PPARGC1A: variants seen among roughly 807,000 people sequenced by gnomAD.
PPARGC1A encodes peroxisome proliferator-activated receptor gamma coactivator 1-alpha.
In PPARGC1A, 25 loss-of-function variants were observed where a neutral mutation model predicts 88.7. That is an observed-to-expected ratio of 0.28 (90% CI 0.21 to 0.39). The LOEUF (loss-of-function observed/expected upper bound fraction) is 0.39. Ranked by LOEUF, PPARGC1A falls within the 10% of genes least tolerant of loss-of-function variation. PPARGC1A has a pLI of 1.00. For synonymous variants in PPARGC1A, 363 were observed against 355.6 expected, an observed-to-expected ratio of 1.02 and a Z score of -0.24; for missense variants, 880 against 968.7, an observed-to-expected ratio of 0.91 and a Z score of 1.22.
At chr4:23,911,269 A>C in the PPARGC1A span, among the ~76,000 whole-genome samples, 1 of 152,212 alleles carries the variant, frequency 6.6e-6, no homozygotes, top group Non-Finnish European at 1.5e-5. Context: ...CACTGGGCAC[A>C]TTCAGGAAAA....
At chr4:23,871,873 G>C (rs751646828) in intron 2 of PPARGC1A, among the ~76,000 whole-genome samples, 1 of 152,168 alleles carries the variant, frequency 6.6e-6, no homozygotes, top group Non-Finnish European at 1.5e-5. Context: ...ATTTAAGCTC[G>C]AGTATTATAG....
chr4:24,264,330 C>A, the PPARGC1A span, among the ~76,000 whole-genome samples: 4 of 152,156 alleles, frequency 2.6e-5, no homozygotes, highest in African/African-American at 9.7e-5. Context: ...GTGAAGGGTG[C>A]ACAGAGTCTC....
At chr4:24,115,669 C>A in the PPARGC1A span, among the ~76,000 whole-genome samples, 8 of 152,220 alleles carry the variant, frequency 5.3e-5, no homozygotes, top group East Asian at 1.5e-3. Context: ...CATATGGCTA[C>A]CAGAAATGCA....
intron 1 of PPARGC1A, among the ~76,000 whole-genome samples, chr4:23,895,968 GTGTGTGTGTGTGTATA>G (rs751546959): frequency 0.05 from 2,395 of 47,626 alleles, 44 homozygotes; most frequent in South Asian, 0.19. Context: ...GTGTGTGTGT[GTGTGTGTGTGTGTATA>G]TATATATACA....
At chr4:23,921,077 G>T in the PPARGC1A span, among the ~76,000 whole-genome samples, 1 of 151,518 alleles carries the variant, frequency 6.6e-6, no homozygotes, top group Non-Finnish European at 1.5e-5. Flanking sequence ...CTTTCTCAAA[G>T]GGAAAGGAGT....
Position 23,828,782 on chromosome 4 carries a change from A to C in PPARGC1A, c.553-178T>G, listed in dbSNP as rs2290605. Among the ~76,000 whole-genome samples, 811 of 152,336 alleles carry C rather than the reference A, an allele frequency of 5.3e-3. 25 individuals carry two copies. The East Asian group carries it at 0.061, about 11-fold the overall frequency. On this transcript the variant is annotated intron_variant, in intron 4 of 12. Transcript: ENST00000264867. ...AAAGAAAATTACATTTAAAATTCCT[A>C]AATGACATTTATGCAGCTTTTTATT...
chr4:23,828,425 T>C lies in PPARGC1A; in HGVS notation c.732A>G (p.Thr244=), dbSNP rs1724382948. The part of the protein sequence containing the change: ...DKCTSKKKSH[T]QSQSQHLQAK... ...CTTGTAAGTGTTGTGACTGCGACTG[T>C]GTGTGGGACTTCTTTTTGGAGGTGC... Residue 244 remains threonine, a synonymous_variant, in exon 5 of 13, where the codon ACA becomes ACG. Transcript: ENST00000264867. 2 of 1,613,978 alleles carry C rather than the reference T, an allele frequency of 1.2e-6. No homozygotes were observed. Among genetic ancestry groups the C allele is most frequent in the East Asian group, 4.5e-5 (2 of 44,878 alleles).
At chr4:24,438,688 C>G in the PPARGC1A span, among the ~76,000 whole-genome samples, 2 of 152,048 alleles carry the variant, frequency 1.3e-5, no homozygotes, top group Non-Finnish European at 2.9e-5. Flanking sequence ...TTCTCAAAAC[C>G]TGCCATAAAT....
chr4:24,189,769 T>C, the PPARGC1A span, among the ~76,000 whole-genome samples: 1 of 152,170 alleles, frequency 6.6e-6, no homozygotes, highest in Non-Finnish European at 1.5e-5. Context: ...TTTAGTTTAA[T>C]GGATTAAGTC....
chr4:23,868,246 T>A (rs1207459769), intron 2 of PPARGC1A, among the ~76,000 whole-genome samples: 1 of 152,178 alleles, frequency 6.6e-6, no homozygotes, highest in African/African-American at 2.4e-5. Flanking sequence ...TCCATATATC[T>A]TCATCTGAAC....
At chr4:24,135,043 C>T in the PPARGC1A span, among the ~76,000 whole-genome samples, 6 of 152,210 alleles carry the variant, frequency 3.9e-5, no homozygotes, top group Non-Finnish European at 8.8e-5. Flanking sequence ...GGCCCCTTCG[C>T]TACCATGTGT....
the PPARGC1A span, among the ~76,000 whole-genome samples, chr4:24,282,345 G>A: frequency 3.9e-5 from 6 of 152,272 alleles, no homozygotes; most frequent in South Asian, 2.1e-4. Flanking sequence ...CAATAACAGC[G>A]TCTATTTCTG....
the PPARGC1A span, among the ~76,000 whole-genome samples, chr4:24,172,113 T>C: frequency 6.6e-6 from 1 of 152,122 alleles, no homozygotes; most frequent in Non-Finnish European, 1.5e-5. Flanking sequence ...TACCATCTAG[T>C]ATTACCAAAG....
At chr4:23,963,184 T>C in the PPARGC1A span, among the ~76,000 whole-genome samples, 1 of 152,160 alleles carries the variant, frequency 6.6e-6, no homozygotes, top group African/African-American at 2.4e-5. Context: ...GGACCTAGCA[T>C]TAAACCTAGA....
the PPARGC1A span, among the ~76,000 whole-genome samples, chr4:24,174,471 T>G: frequency 6.6e-6 from 1 of 152,198 alleles, no homozygotes; most frequent in Non-Finnish European, 1.5e-5. Flanking sequence ...CTTGTCTTAG[T>G]GGCCAAAGGA....
chr4:24,382,805 C>T, the PPARGC1A span, among the ~76,000 whole-genome samples: 25 of 152,280 alleles, frequency 1.6e-4, no homozygotes, highest in African/African-American at 4.3e-4. Context: ...TGGTTGTGGA[C>T]GCAGCTTCGG....
the PPARGC1A span, among the ~76,000 whole-genome samples, chr4:24,387,755 AGAGAGAG>A: frequency 2.6e-5 from 2 of 77,932 alleles, no homozygotes; most frequent in African/African-American, 1.1e-4. Flanking sequence ...AAAGAGAGAG[AGAGAGAG>A]AGAGAGAAAG....
At chr4:24,030,258 C>T in the PPARGC1A span, among the ~76,000 whole-genome samples, 3 of 152,296 alleles carry the variant, frequency 2.0e-5, no homozygotes, top group Middle Eastern at 3.4e-3. Flanking sequence ...AAGATGAAGT[C>T]ACCCACAAAC....
At chr4:24,221,714 C>T in the PPARGC1A span, among the ~76,000 whole-genome samples, 3 of 152,016 alleles carry the variant, frequency 2.0e-5, no homozygotes, top group African/African-American at 4.8e-5. Flanking sequence ...TAAAGATTGC[C>T]GTGAGCTATG....
Sources: allele counts gnomAD v4.1 joint callset (sites outside exome capture counted in the v4.1 genomes callset), GRCh38; gene constraint gnomAD v4.1.1; transcripts MANE v1.5; gene names NCBI Gene and HGNC (gene_info 2026-07-23, HGNC 2026-07-21).